The following SEMA5A variants were observed in gnomAD, a reference collection of about 807,000 sequenced individuals.
SEMA5A encodes semaphorin-5A.
A neutral mutation model predicts 135.5 loss-of-function variants in SEMA5A; 55 were observed. That is an observed-to-expected ratio of 0.41 (90% CI 0.33 to 0.51). SEMA5A has a LOEUF of 0.51. Ranked by LOEUF, SEMA5A falls within the 20% of genes least tolerant of loss-of-function variation. The probability of loss-of-function intolerance (pLI) is 0.37; values close to 1 mark genes in which losing one functional copy is unlikely to be tolerated. For missense variants in SEMA5A, 1,290 were observed against 1,419.9 expected, an observed-to-expected ratio of 0.91 and a Z score of 1.47; for synonymous variants, 580 against 546.5, an observed-to-expected ratio of 1.06 and a Z score of -0.85.
chr5:9,527,310 T>G (rs1737189172), intron 1 of SEMA5A, among the ~76,000 whole-genome samples: 1 of 152,106 alleles, frequency 6.6e-6, no homozygotes. Context: ...AAGACTTCAA[T>G]GCAGTCCAGA....
rs949814109 is a variant in SEMA5A, at chr5:9,366,442, G to A, written c.124+13381C>T. On this transcript the variant is annotated intron_variant, in intron 3 of 22. Transcript: ENST00000382496. ...CTCGCTCTGTCGCCCAGGCTGAAGTGCAGTGGTGCGATCTCGGCTCACTGC... is the reference window on the plus strand; with the variant it reads ...CTCGCTCTGTCGCCCAGGCTGAAGTACAGTGGTGCGATCTCGGCTCACTGC... 2.0e-5 allele frequency among the ~76,000 whole-genome samples: 3 copies of A among 150,886 alleles called. No homozygotes were observed. In the East Asian group the frequency reaches 5.8e-4, roughly 29 times the overall value.
At chr5:9,488,941 G>C (rs1321937631) in intron 1 of SEMA5A, among the ~76,000 whole-genome samples, 1 of 152,122 alleles carries the variant, frequency 6.6e-6, no homozygotes, top group Non-Finnish European at 1.5e-5. Flanking sequence ...AGCATCTTTT[G>C]ACATGTTCAA....
intron 1 of SEMA5A, among the ~76,000 whole-genome samples, chr5:9,448,578 T>C (rs920204726): frequency 6.6e-6 from 1 of 152,250 alleles, no homozygotes; most frequent in African/African-American, 2.4e-5. Context: ...GTCTGCTTTT[T>C]GGTTTTGGTT....
chr5:9,361,079 A>G (rs530902507), intron 3 of SEMA5A, among the ~76,000 whole-genome samples: 3 of 152,300 alleles, frequency 2.0e-5, no homozygotes, highest in East Asian at 3.9e-4. Context: ...CAGGCAGACC[A>G]CCTGAGGTCA....
At chr5:9,224,620 C>T (rs913851138) in intron 8 of SEMA5A, 54 bp downstream of exon 8, 8 of 1,539,490 alleles carry the variant, frequency 5.2e-6, no homozygotes, top group African/African-American at 1.4e-5. Context: ...AGCACCAAAT[C>T]ACCAGGAATC....
At chr5:9,513,698 C>G (rs879378481) in intron 1 of SEMA5A, among the ~76,000 whole-genome samples, 9 of 152,176 alleles carry the variant, frequency 5.9e-5, no homozygotes, top group Admixed American at 2.0e-4. Flanking sequence ...GAAGCCTTTC[C>G]TAACAATCTA....
At chr5:9,359,380 T>C (rs761875361) in intron 3 of SEMA5A, among the ~76,000 whole-genome samples, 2 of 152,220 alleles carry the variant, frequency 1.3e-5, no homozygotes, top group African/African-American at 2.4e-5. Context: ...GCATTTGTTG[T>C]TGGATTGCTA....
chr5:9,122,960 G>T, intron 13 of SEMA5A, 123 bp from the exon 14 acceptor site: 1 of 966,670 alleles, frequency 1.0e-6, no homozygotes, highest in South Asian at 2.3e-5. Flanking sequence ...TGTTGTTGCT[G>T]CAGTTAGAAA....
intron 3 of SEMA5A, among the ~76,000 whole-genome samples, chr5:9,342,831 G>C (rs1007982107): frequency 2.0e-5 from 3 of 152,204 alleles, no homozygotes; most frequent in Non-Finnish European, 2.9e-5. Flanking sequence ...TTGTAAGAGT[G>C]AGTGTTGCCA....
At chr5:9,043,641 G>C (rs1183929690) in intron 22 of SEMA5A, among the ~76,000 whole-genome samples, 1 of 152,150 alleles carries the variant, frequency 6.6e-6, no homozygotes. Context: ...ATGAAGGAGG[G>C]TGCCCAATGG....
intron 11 of SEMA5A, among the ~76,000 whole-genome samples, chr5:9,173,948 A>C (rs2150312800): frequency 6.6e-6 from 1 of 152,298 alleles, no homozygotes; most frequent in Admixed American, 6.5e-5. Context: ...TTCTGTTTAA[A>C]CCCCAGAAAA....
At chr5:9,399,807 G>C (rs998038411) in intron 2 of SEMA5A, among the ~76,000 whole-genome samples, 20 of 152,064 alleles carry the variant, frequency 1.3e-4, no homozygotes, top group African/African-American at 4.8e-4. Context: ...AGTGGTGTTT[G>C]GTGATAGCGG....
rs547826676 is a variant in SEMA5A at position 9,084,779 on chromosome 5, T to G, written c.2074-18133A>C. On this transcript the variant is annotated intron_variant, in intron 16 of 22. Coordinates refer to ENST00000382496, the MANE Select transcript of SEMA5A (RefSeq NM_003966.3). ...GAAAAGATACCCCAAAATGTAGAAG[T>G]GACTTTGGAACTGGGTAATAGGTAG... Among the ~76,000 whole-genome samples, 4 of 152,178 alleles carry G rather than the reference T, an allele frequency of 2.6e-5. No individual in the cohort carries two copies. The South Asian group carries it at 8.3e-4, about 32-fold the overall frequency.
chr5:9,413,358 A>T (rs1056466151), intron 2 of SEMA5A, among the ~76,000 whole-genome samples: 3 of 152,204 alleles, frequency 2.0e-5, no homozygotes, highest in Non-Finnish European at 2.9e-5. Flanking sequence ...CAGAAATAAC[A>T]CACCTGGATT....
chr5:9,291,186 G>A (rs1024903425), intron 5 of SEMA5A, among the ~76,000 whole-genome samples: 3 of 152,132 alleles, frequency 2.0e-5, no homozygotes, highest in African/African-American at 7.2e-5. Context: ...CTTGGCCACT[G>A]GAGTCAGAAT....
intron 11 of SEMA5A, among the ~76,000 whole-genome samples, chr5:9,180,682 C>T (rs1037377990): frequency 6.6e-6 from 1 of 152,014 alleles, no homozygotes; most frequent in Admixed American, 6.6e-5. Context: ...TCTCTAAAGT[C>T]TTATGTATGT....
chr5:9,203,820 T>TA (rs963897877), intron 8 of SEMA5A, among the ~76,000 whole-genome samples: 14 of 151,686 alleles, frequency 9.2e-5, no homozygotes, highest in African/African-American at 1.7e-4. Flanking sequence ...AATGACTGTT[T>TA]AAAAAAAAAC....
rs114893428 is a variant in SEMA5A at position 9,233,493 on chromosome 5, G to C, written c.333+4335C>G. Among the ~76,000 whole-genome samples the C allele has an allele frequency of 3.1e-3, 459 of 149,868 alleles. 2 individuals are homozygous for C. The highest frequency in any genetic ancestry group is 0.014 in the Middle Eastern group (4 of 284). On this transcript the variant is annotated intron_variant, in intron 6 of 22. Coordinates refer to ENST00000382496, the MANE Select transcript of SEMA5A (RefSeq NM_003966.3). ...TTTTTTTCCCCCATGGAATATTTAA[G>C]CCATTGCAGGCAAAGGCACTCCCTC...
At chr5:9,155,370 C>A (rs1260987935) in intron 11 of SEMA5A, among the ~76,000 whole-genome samples, 2 of 151,280 alleles carry the variant, frequency 1.3e-5, no homozygotes, top group East Asian at 1.9e-4. Flanking sequence ...TGTTTCTGTG[C>A]ACTTATTTAT....
Sources: gnomAD v4.1 joint callset for allele counts (sites outside exome capture counted in the v4.1 genomes callset) on GRCh38, gnomAD v4.1.1 for gene constraint, MANE v1.5 for transcripts, NCBI Gene and HGNC (gene_info 2026-07-23, HGNC 2026-07-21) for gene names.